UNC13C: variants seen among roughly 807,000 people sequenced by gnomAD.
UNC13C encodes unc-13 homolog C.
In UNC13C, 174 loss-of-function variants were observed where a neutral mutation model predicts 245.4. The observed-to-expected ratio is 0.71, with a 90% CI of 0.63 to 0.80. UNC13C has a LOEUF of 0.80. Among genes scored for constraint, UNC13C ranks in the 30% least tolerant of loss-of-function variants. The probability of loss-of-function intolerance (pLI) is 0.00; values close to 1 mark genes in which losing one functional copy is unlikely to be tolerated. For synonymous variants in UNC13C, 992 were observed against 895.1 expected, an observed-to-expected ratio of 1.11 and a Z score of -1.93; for missense variants, 2,829 against 2,602.9, an observed-to-expected ratio of 1.09 and a Z score of -1.89.
At chr15:53,857,091 C>T in the UNC13C span, among the ~76,000 whole-genome samples, 17 of 152,102 alleles carry the variant, frequency 1.1e-4, no homozygotes, top group African/African-American at 3.4e-4. Flanking sequence ...CCACCGTGCC[C>T]GGCCCCAATC....
intron 2 of UNC13C, among the ~76,000 whole-genome samples, chr15:54,091,347 T>A (rs1567006979): frequency 6.6e-6 from 1 of 152,228 alleles, no homozygotes; most frequent in Non-Finnish European, 1.5e-5. Flanking sequence ...CATTCTTTTC[T>A]TGACTCTTTT....
At chr15:54,093,753 C>T (rs1477216761) in intron 2 of UNC13C, among the ~76,000 whole-genome samples, 1 of 152,046 alleles carries the variant, frequency 6.6e-6, no homozygotes, top group African/African-American at 2.4e-5. Context: ...TTTTCAATTC[C>T]GATGGAGAAA....
intron 18 of UNC13C, among the ~76,000 whole-genome samples, chr15:54,413,701 A>G (rs1032323567): frequency 2.0e-5 from 3 of 152,192 alleles, no homozygotes; most frequent in African/African-American, 7.2e-5. Context: ...TCTAATTTTG[A>G]TGAAAATATG....
intron 19 of UNC13C, among the ~76,000 whole-genome samples, chr15:54,481,421 G>T (rs891000469): frequency 6.6e-6 from 1 of 152,128 alleles, no homozygotes; most frequent in Non-Finnish European, 1.5e-5. Flanking sequence ...TAATGCTCCT[G>T]GATGACATGC....
intron 4 of UNC13C, among the ~76,000 whole-genome samples, chr15:54,223,546 T>C (rs535065494): frequency 1.3e-5 from 2 of 152,178 alleles, no homozygotes; most frequent in South Asian, 4.1e-4. Context: ...GTTTTGTGTT[T>C]TTTTGTTGTT....
At chr15:54,282,525 A>T (rs1167258594) in intron 10 of UNC13C, among the ~76,000 whole-genome samples, 2 of 152,086 alleles carry the variant, frequency 1.3e-5, no homozygotes, top group Non-Finnish European at 2.9e-5. Context: ...TGCCCAGGTG[A>T]GGGTGCCCAC....
upstream of UNC13C, among the ~76,000 whole-genome samples, chr15:53,976,475 C>CTTTTTTTTTTTTTT (rs879775519): frequency 1.9e-3 from 121 of 63,680 alleles, no homozygotes; most frequent in Non-Finnish European, 3.0e-3. Flanking sequence ...CTCTCTCTCT[C>CTTTTTTTTTTTTTT]TCTTTTTTTT....
chr15:54,304,631 C>T (rs1487735538), intron 13 of UNC13C, among the ~76,000 whole-genome samples: 1 of 142,250 alleles, frequency 7.0e-6, no homozygotes, highest in Non-Finnish European at 1.5e-5. Context: ...TAAATTCTTT[C>T]TCTGTTCCTT....
At chr15:54,603,767 G>A (rs1219526529) in intron 30 of UNC13C, among the ~76,000 whole-genome samples, 2 of 152,156 alleles carry the variant, frequency 1.3e-5, no homozygotes, top group Non-Finnish European at 2.9e-5. Flanking sequence ...GGGAGGCTGA[G>A]GCAGGAGAAT....
the UNC13C span, among the ~76,000 whole-genome samples, chr15:53,866,611 G>A: frequency 6.6e-6 from 1 of 152,158 alleles, no homozygotes; most frequent in Non-Finnish European, 1.5e-5. Flanking sequence ...GCTTGCCCCT[G>A]ACCCGCAGGC....
intron 2 of UNC13C, among the ~76,000 whole-genome samples, chr15:54,043,317 G>T (rs1036886810): frequency 6.6e-6 from 1 of 152,184 alleles, no homozygotes; most frequent in African/African-American, 2.4e-5. Flanking sequence ...AATTTCTGGA[G>T]ATATTAAGCC....
intron 4 of UNC13C, among the ~76,000 whole-genome samples, chr15:54,226,935 C>G (rs2035402170): frequency 1.3e-5 from 2 of 152,106 alleles, no homozygotes; most frequent in African/African-American, 4.8e-5. Flanking sequence ...GGCAGCAGCT[C>G]TTCTCCTTCT....
At chr15:54,127,888 C>T (rs963175566) in intron 2 of UNC13C, among the ~76,000 whole-genome samples, 4 of 151,046 alleles carry the variant, frequency 2.6e-5, no homozygotes, top group Non-Finnish European at 5.9e-5. Context: ...TCTCATCACT[C>T]CTGTTCAACA....
intron 2 of UNC13C, among the ~76,000 whole-genome samples, chr15:54,136,723 G>A (rs112463887): frequency 7.2e-5 from 11 of 152,122 alleles, no homozygotes; most frequent in African/African-American, 2.4e-4. Context: ...GCATTCCCTC[G>A]ATATCTGATT....
intron 7 of UNC13C, among the ~76,000 whole-genome samples, chr15:54,244,349 G>C (rs894537387): frequency 5.3e-5 from 8 of 152,136 alleles, no homozygotes; most frequent in Admixed American, 2.0e-4. Flanking sequence ...TCTTATACCA[G>C]TACCGTGCTG....
intron 24 of UNC13C, among the ~76,000 whole-genome samples, chr15:54,512,823 AG>A (rs1201886102): frequency 5.3e-5 from 8 of 152,164 alleles, no homozygotes; most frequent in Non-Finnish European, 8.8e-5. Context: ...GTTTCTTTTA[AG>A]ATTGGCTCCT....
chr15:54,423,121 A>G (rs1342360893), intron 19 of UNC13C, among the ~76,000 whole-genome samples: 1 of 151,800 alleles, frequency 6.6e-6, no homozygotes, highest in Non-Finnish European at 1.5e-5. Flanking sequence ...AATATATAGC[A>G]TACATATATG....
At chr15:54,281,191 T>G (rs2036987443) in intron 10 of UNC13C, among the ~76,000 whole-genome samples, 1 of 152,182 alleles carries the variant, frequency 6.6e-6, no homozygotes, top group Admixed American at 6.5e-5. Context: ...GTTTATAAAG[T>G]GCTATTATTT....
At chr15:54,113,687 G>A (rs1026800906) in intron 2 of UNC13C, among the ~76,000 whole-genome samples, 6 of 152,178 alleles carry the variant, frequency 3.9e-5, no homozygotes, top group African/African-American at 1.4e-4. Context: ...TTAGCTGGGC[G>A]TGGTGGCACA....
Sources: allele counts gnomAD v4.1 joint callset (sites outside exome capture counted in the v4.1 genomes callset), GRCh38; gene constraint gnomAD v4.1.1; transcripts MANE v1.5; gene names NCBI Gene and HGNC (gene_info 2026-07-23, HGNC 2026-07-21).